CYP2C8: variants seen among roughly 807,000 people sequenced by gnomAD.
The protein encoded by CYP2C8 is cytochrome P450 2C8.
A neutral mutation model predicts 41.3 loss-of-function variants in CYP2C8; 51 were observed. The observed-to-expected ratio is 1.24, with a 90% CI of 0.99 to 1.56. The LOEUF (loss-of-function observed/expected upper bound fraction) is 1.56. Ranked by LOEUF, CYP2C8 falls within the 40% of genes most tolerant of loss-of-function variation. The pLI is 0.00. For synonymous variants in CYP2C8, 218 were observed against 205.8 expected (o/e 1.06, Z -0.51); for missense variants, 651 against 579.9 (o/e 1.12, Z -1.26).
chr10:95,052,108 G>A (rs1451642344), intron 5 of CYP2C8, among the ~76,000 whole-genome samples: 1 of 151,976 alleles, frequency 6.6e-6, no homozygotes, highest in Non-Finnish European at 1.5e-5. Flanking sequence ...ATAAGTCAGA[G>A]ATGAAAAAGA....
At position 95,046,975 on chromosome 10, in the gene CYP2C8, G is replaced by A. The variant is rs193269827; in HGVS notation, c.820-1024C>T. 2.9e-4 allele frequency among the ~76,000 whole-genome samples: 44 copies of A among 152,248 alleles called. No individual in the cohort carries two copies. In the Middle Eastern group the frequency reaches 0.017, roughly 59 times the overall value. On this transcript the variant is annotated intron_variant, in intron 5 of 8. Transcript: ENST00000371270. ...GTGGAATCTGGTGAGAGGTGATTGG[G>A]TCATGGGGGTAGATTTCTCATGAGC...
In CYP2C8 at chr10:95,058,481, A is replaced by T. The variant is rs1257944392; in HGVS notation, c.673T>A (p.Cys225Ser). Residue 225 changes from cysteine (C) to serine (S), a missense_variant, in exon 5 of 9, where the codon TGT becomes AGT. By Grantham distance (112) the Cys-to-Ser change is moderately radical. Transcript: ENST00000371270. ...ACTTTGTTGTGAGTTCCTGGGAAAC[A>T]ATCAATGAGTAGAGGGAAATTATTG... The part of the protein sequence containing the change: ...VCNNFPLLID[C>S]FPGTHNKVLK... The T allele has an allele frequency of 6.2e-7, 1 of 1,613,056 alleles. No individual in the cohort carries two copies. Among genetic ancestry groups the T allele is most frequent in the East Asian group, 2.2e-5 (1 of 44,800 alleles).
chr10:95,042,990 G>A lies in CYP2C8; in HGVS notation c.1049C>T (p.Ala350Val), dbSNP rs1488457782. ...QDRSHMPYTD[A>V]VVHEIQRYSD... Reference sequence around the variant, plus strand: ...GTATCTCTGGATCTCGTGCACTACAGCATCAGTGTAAGGCATGTGGCTCCT... The same window carrying A: ...GTATCTCTGGATCTCGTGCACTACAACATCAGTGTAAGGCATGTGGCTCCT... Residue 350 changes from alanine (A) to valine (V), a missense_variant, in exon 7 of 9, where the codon GCT becomes GTT. Physicochemically the swap from Ala to Val is moderately conservative, Grantham distance 64. Coordinates refer to ENST00000371270, the MANE Select transcript of CYP2C8 (RefSeq NM_000770.3). 3 of 1,614,094 alleles carry A rather than the reference G, an allele frequency of 1.9e-6. No homozygotes were observed. Among genetic ancestry groups the A allele is most frequent in the South Asian group, 1.1e-5 (1 of 91,082 alleles).
chr10:95,067,108 T>C (rs949081288), intron 3 of CYP2C8, 100 bp downstream of exon 3: 29 of 1,522,020 alleles, frequency 1.9e-5, no homozygotes, highest in Non-Finnish European at 2.6e-5. Context: ...ACAACCAGGA[T>C]GCGCAATGAA....
intron 4 of CYP2C8, among the ~76,000 whole-genome samples, chr10:95,059,729 C>G (rs1295868887): frequency 6.6e-6 from 1 of 152,136 alleles, no homozygotes; most frequent in Non-Finnish European, 1.5e-5. Context: ...ATGCCTATGT[C>G]CTGAATGGTA....
In CYP2C8 at chr10:95,037,246, A is replaced by C; in HGVS notation, c.1355T>G (p.Ile452Ser). The C allele has an allele frequency of 6.2e-7, 1 of 1,613,898 alleles. No homozygotes were observed. Among genetic ancestry groups the C allele is most frequent in the Non-Finnish European group, 8.5e-7 (1 of 1,179,874 alleles). The change falls in exon 9 of 9, where the codon ATT becomes AGT. Residue 452 changes from isoleucine (I) to serine (S), a missense_variant. Coordinates refer to ENST00000371270, the MANE Select transcript of CYP2C8 (RefSeq NM_000770.3). ...RMELFLFLTT[I>S]LQNFNLKSVD... ...AGATTTCAGGTTAAAGTTCTGTAAA[A>C]TTGTGGTTAGAAATAAAAATAGCTC... is the stretch of plus-strand genomic sequence containing the variant.
Position 95,043,084 on chromosome 10 carries a change from A to G in CYP2C8, c.962-7T>C. 6.2e-7 allele frequency: 1 copy of G among 1,614,120 alleles called. No homozygotes were observed. The highest frequency in any genetic ancestry group is 8.5e-7 in the Non-Finnish European group (1 of 1,179,950). On this transcript the variant is annotated splice_polypyrimidine_tract_variant and splice_region_variant and intron_variant, in intron 6 of 8. Transcript: ENST00000371270. The stretch of plus-strand genomic sequence containing the variant: ...ATCTCTTCCTGGACTTTAGCTGACA[A>G]GACACAAGAAAGAACTGATGGAAAC...
chr10:95,069,444 T>G lies in CYP2C8; in HGVS notation c.-42A>C. On this transcript the variant is annotated 5_prime_UTR_variant, in exon 1 of 9. Transcript: ENST00000371270. Reference sequence around the variant, plus strand: ...TATTAAGACAGCTGTGAGCTTGCACTCCAAAGTTTTTATAACACTCCCTGC... The same window carrying G: ...TATTAAGACAGCTGTGAGCTTGCACGCCAAAGTTTTTATAACACTCCCTGC... 1 of 1,559,564 alleles carries G rather than the reference T, an allele frequency of 6.4e-7. No individual in the cohort carries two copies. The highest frequency in any genetic ancestry group is 8.8e-7 in the Non-Finnish European group (1 of 1,132,156).
At chr10:95,066,766 G>A (rs1346488017) in intron 3 of CYP2C8, among the ~76,000 whole-genome samples, 1 of 152,088 alleles carries the variant, frequency 6.6e-6, no homozygotes, top group African/African-American at 2.4e-5. Context: ...TTAAATGAAA[G>A]CACATATAAC....
At position 95,037,156 on chromosome 10, in the gene CYP2C8, G is replaced by A. The variant is rs778978318; in HGVS notation, c.1445C>T (p.Ser482Leu). ...GACAGGGATGAAGCAGATCTGGTAT[G>A]AGGGTGGCAGAGAAACAATCCCTTT... The part of the protein sequence containing the change: ...VTKGIVSLPP[S>L]YQICFIPV Residue 482 changes from serine (S) to leucine (L), a missense_variant, in exon 9 of 9, where the codon TCA (serine) becomes TTA (leucine). Coordinates refer to ENST00000371270, the MANE Select transcript of CYP2C8 (RefSeq NM_000770.3). The A allele has an allele frequency of 3.1e-6, 5 of 1,613,994 alleles. No individual in the cohort carries two copies. Among genetic ancestry groups the A allele is most frequent in the South Asian group, 1.1e-5 (1 of 91,066 alleles).
intron 8 of CYP2C8, among the ~76,000 whole-genome samples, chr10:95,037,987 T>C (rs1447716956): frequency 6.6e-6 from 1 of 152,234 alleles, no homozygotes; most frequent in African/African-American, 2.4e-5. Context: ...GGAATCGTAA[T>C]TCTGTATTTA....
intron 1 of CYP2C8, chr10:95,068,724 A>T: frequency 2.8e-6 from 2 of 712,144 alleles, no homozygotes; most frequent in South Asian, 2.9e-5. Context: ...TATTCACAAA[A>T]TGCATCAACT....
chr10:95,069,116 T>C (rs2033627650), intron 1 of CYP2C8, 119 bp downstream of exon 1: 1 of 1,114,684 alleles, frequency 9.0e-7, no homozygotes, highest in Non-Finnish European at 1.3e-6. Flanking sequence ...TCAGAGGGAG[T>C]ATTTTGCTTT....
intron 4 of CYP2C8, among the ~76,000 whole-genome samples, chr10:95,059,850 C>T (rs1361636175): frequency 2.0e-5 from 3 of 152,174 alleles, no homozygotes; most frequent in Admixed American, 1.3e-4. Context: ...CCAGTTTCAG[C>T]TTTCTACATG....
At position 95,067,689 on chromosome 10, in the gene CYP2C8, G is replaced by C. The variant is rs747486167; in HGVS notation, c.171C>G (p.Phe57Leu). 6.2e-7 allele frequency: 1 copy of C among 1,614,084 alleles called. No individual in the cohort carries two copies. Among genetic ancestry groups the C allele is most frequent in the Non-Finnish European group, 8.5e-7 (1 of 1,180,004 alleles). ...VKDICKSFTN[F>L]SKVYGPVFTV... ...TGAACACAGGACCATAGACTTTTGA[G>C]AACTGGGAAAGGAAATGCAAATAGC... Residue 57 changes from phenylalanine (F) to leucine (L), a missense_variant and splice_region_variant, in exon 2 of 9, where the codon TTC becomes TTG. Transcript: ENST00000371270.
chr10:95,069,294 G>T lies in CYP2C8; in HGVS notation c.109C>A (p.Pro37Thr). 1 of 1,613,984 alleles carries T rather than the reference G, an allele frequency of 6.2e-7. No homozygotes were observed. The highest frequency in any genetic ancestry group is 2.2e-5 in the East Asian group (1 of 44,876). ...ATCTGTAGCATATTTCCAATAATAG[G>T]AAGAGGAGTGGGGCCAGGAGGGAGC... ...RKLPPGPTPLPIIGNMLQIDV... is the reference protein window; with the variant it reads ...RKLPPGPTPLTIIGNMLQIDV... The change falls in exon 1 of 9, where the codon CCT becomes ACT. Residue 37 changes from proline (P) to threonine (T), a missense_variant. Transcript: ENST00000371270.
In CYP2C8 at chr10:95,069,253, G is replaced by A. The variant is rs983784951; in HGVS notation, c.150C>T (p.Ile50=). The change falls in exon 1 of 9, where the codon ATC becomes ATT. Residue 50 remains isoleucine (I), a synonymous_variant. Coordinates refer to ENST00000371270, the MANE Select transcript of CYP2C8 (RefSeq NM_000770.3). ...GACTTACATTGGTGAAAGATTTGCA[G>A]ATGTCCTTAACATCTATCTGTAGCA... ...GNMLQIDVKD[I]CKSFTNFSKV... 4 of 1,614,122 alleles carry A rather than the reference G, an allele frequency of 2.5e-6. No individual in the cohort carries two copies. The highest frequency in any genetic ancestry group is 2.5e-6 in the Non-Finnish European group (3 of 1,180,010).
At chr10:95,045,726 C>G in intron 6 of CYP2C8, 84 bp downstream of exon 6, 1 of 1,540,094 alleles carries the variant, frequency 6.5e-7, no homozygotes, top group Non-Finnish European at 9.0e-7. Context: ...TGAGCCTTCT[C>G]TGAGAGAAAC....
rs201770172 is a variant in CYP2C8 at position 95,067,491 on chromosome 10, C to T, written c.331+38G>A. The stretch of plus-strand genomic sequence containing the variant: ...GGCTCTGTTTTCCATCCCCCTCACC[C>T]CAGTTACCAAAGCTGACACAGAAAT... On this transcript the variant is annotated intron_variant, in intron 2 of 8. Coordinates refer to ENST00000371270, the MANE Select transcript of CYP2C8 (RefSeq NM_000770.3). The T allele has an allele frequency of 1.1e-4, 173 of 1,613,998 alleles. 3 individuals are homozygous for T. In the South Asian group the frequency reaches 1.7e-3, roughly 16 times the overall value.
Sources: allele counts gnomAD v4.1 joint callset (sites outside exome capture counted in the v4.1 genomes callset), GRCh38; gene constraint gnomAD v4.1.1; transcripts MANE v1.5; gene names NCBI Gene and HGNC (gene_info 2026-07-23, HGNC 2026-07-21).